Variants in PDE11A observed in about 807,000 individuals in gnomAD.
PDE11A encodes the protein dual 3',5'-cyclic-AMP and -GMP phosphodiesterase 11A.
PDE11A carries 100 observed loss-of-function variants against 100.5 expected under a neutral mutation model. That is an observed-to-expected ratio of 1.00 (90% CI 0.85 to 1.18). PDE11A has a LOEUF of 1.18. Among genes scored for constraint, PDE11A ranks in the 50% most tolerant of loss-of-function variants. The probability of loss-of-function intolerance (pLI) is 0.00; values close to 1 mark genes in which losing one functional copy is unlikely to be tolerated. For synonymous variants in PDE11A, 381 were observed against 420.8 expected, an observed-to-expected ratio of 0.91 and a Z score of 1.16; for missense variants, 1,141 against 1,152.6, an observed-to-expected ratio of 0.99 and a Z score of 0.15.
At chr2:178,035,935 C>A (rs2086607862) in intron 1 of PDE11A, among the ~76,000 whole-genome samples, 1 of 152,160 alleles carries the variant, frequency 6.6e-6, no homozygotes, top group South Asian at 2.1e-4. Context: ...TGGGCAAAAG[C>A]TGGAAGCATT....
chr2:177,928,878 C>T (rs1172747646), intron 2 of PDE11A, among the ~76,000 whole-genome samples: 1 of 151,782 alleles, frequency 6.6e-6, no homozygotes, highest in Non-Finnish European at 1.5e-5. Flanking sequence ...AAAATAAATA[C>T]ATAAAAATAA....
chr2:177,969,642 C>G (rs986182586), intron 2 of PDE11A, among the ~76,000 whole-genome samples: 1 of 151,816 alleles, frequency 6.6e-6, no homozygotes, highest in African/African-American at 2.4e-5. Context: ...AAGTAAGCCT[C>G]TCCCTATAAA....
At chr2:177,737,163 C>T (rs1392758733) in intron 10 of PDE11A, among the ~76,000 whole-genome samples, 6 of 151,978 alleles carry the variant, frequency 3.9e-5, no homozygotes, top group Non-Finnish European at 8.8e-5. Flanking sequence ...TCGCTTTAAC[C>T]CGGAAGGCAG....
At chr2:177,867,021 T>C (rs1398293866) in intron 5 of PDE11A, among the ~76,000 whole-genome samples, 2 of 152,240 alleles carry the variant, frequency 1.3e-5, no homozygotes, top group Middle Eastern at 3.2e-3. Context: ...AAAGAATAGA[T>C]AAGAATATAG....
intron 6 of PDE11A, among the ~76,000 whole-genome samples, chr2:177,833,607 G>T (rs2083344564): frequency 6.6e-6 from 1 of 152,112 alleles, no homozygotes; most frequent in African/African-American, 2.4e-5. Context: ...TCCCCTGTAA[G>T]CTAAAAAATA....
At chr2:177,756,522 T>C (rs955317413) in intron 10 of PDE11A, among the ~76,000 whole-genome samples, 2 of 152,004 alleles carry the variant, frequency 1.3e-5, no homozygotes, top group Non-Finnish European at 2.9e-5. Context: ...GTTTACGGAG[T>C]TGTTTGACAA....
intron 1 of PDE11A, among the ~76,000 whole-genome samples, chr2:178,054,497 T>G (rs2086872554): frequency 6.6e-6 from 1 of 152,092 alleles, no homozygotes; most frequent in Admixed American, 6.5e-5. Context: ...AATTGACAGA[T>G]AGGATCTAAT....
At chr2:177,768,560 C>T (rs574345397) in intron 10 of PDE11A, among the ~76,000 whole-genome samples, 5 of 152,308 alleles carry the variant, frequency 3.3e-5, no homozygotes, top group Admixed American at 6.5e-5. Flanking sequence ...TCCCTTTACT[C>T]CCGTGTTTTG....
At chr2:177,853,845 T>C (rs1327492666) in intron 5 of PDE11A, among the ~76,000 whole-genome samples, 1 of 144,618 alleles carries the variant, frequency 6.9e-6, no homozygotes, top group Non-Finnish European at 1.5e-5. Flanking sequence ...TATATCTATA[T>C]ATGTGTATAT....
intron 2 of PDE11A, among the ~76,000 whole-genome samples, chr2:177,936,190 G>A (rs1354047176): frequency 6.6e-6 from 1 of 152,158 alleles, no homozygotes; most frequent in Non-Finnish European, 1.5e-5. Flanking sequence ...GAAAAACTGA[G>A]TATCGAACCA....
At chr2:177,953,431 CATA>C (rs1398755288) in intron 2 of PDE11A, 6 of 152,060 alleles carry the variant, frequency 3.9e-5, no homozygotes, top group Non-Finnish European at 8.8e-5. Context: ...AAGTGAATAT[CATA>C]ATGTTTTAAA....
In PDE11A at chr2:177,936,633, G is replaced by A. The variant is rs779415602; in HGVS notation, c.1072-31446C>T. On this transcript the variant is annotated intron_variant, in intron 2 of 19. Coordinates refer to ENST00000286063, the MANE Select transcript of PDE11A (RefSeq NM_016953.4). ...TTATTTCAGGACTTTAAAAATTAAG[G>A]AATATGGCCAGGTGCAGTGGCTCAC... Among the ~76,000 whole-genome samples, 165 of 152,264 alleles carry A rather than the reference G, an allele frequency of 1.1e-3. 1 individual carries two copies. Among genetic ancestry groups the A allele is most frequent in the Non-Finnish European group, 3.4e-4 (23 of 68,022 alleles).
Position 177,727,714 on chromosome 2 carries a change from A to G in PDE11A, c.1987T>C (p.Tyr663His). The G allele has an allele frequency of 3.7e-6, 6 of 1,612,564 alleles. No individual in the cohort carries two copies. The highest frequency in any genetic ancestry group is 5.1e-6 in the Non-Finnish European group (6 of 1,178,618). The part of the protein sequence containing the change: ...TVRKNYRMVL[Y>H]HNWRHAFNVC... ...TTGAAGGCATGTCTCCAGTTGTGGT[A>G]TAGAACCATCCGATAGTTTTTCCTC... is the stretch of plus-strand genomic sequence containing the variant. Residue 663 changes from tyrosine (Y) to histidine (H), a missense_variant, in exon 12 of 20, where the codon TAC becomes CAC. Physicochemically the swap from Tyr to His is moderately conservative, Grantham distance 83 (BLOSUM62 2). Transcript: ENST00000286063.
chr2:177,951,523 AT>A (rs1399219092), intron 2 of PDE11A, among the ~76,000 whole-genome samples: 1 of 152,220 alleles, frequency 6.6e-6, no homozygotes, highest in Non-Finnish European at 1.5e-5. Context: ...GCTTGTCATA[AT>A]TTTATGGATG....
chr2:177,878,950 G>C (rs1297993519), intron 4 of PDE11A, among the ~76,000 whole-genome samples: 2 of 152,098 alleles, frequency 1.3e-5, no homozygotes, highest in South Asian at 2.1e-4. Flanking sequence ...ACTTGGCTTG[G>C]TATAAGATTA....
chr2:177,642,449 A>G (rs1372406269), intron 19 of PDE11A, among the ~76,000 whole-genome samples: 2 of 152,230 alleles, frequency 1.3e-5, no homozygotes, highest in East Asian at 1.9e-4. Context: ...TTCTTCTCAG[A>G]CTAGAAAACA....
chr2:177,897,948 AG>A (rs2084634915), intron 4 of PDE11A, 109 bp downstream of exon 4: 1 of 911,092 alleles, frequency 1.1e-6, no homozygotes, highest in Admixed American at 1.8e-5. Flanking sequence ...CCATGGTTGA[AG>A]AGTCACGAAG....
At chr2:177,830,721 C>A (rs1443405953) in intron 6 of PDE11A, among the ~76,000 whole-genome samples, 3 of 151,256 alleles carry the variant, frequency 2.0e-5, no homozygotes, top group African/African-American at 7.3e-5. Context: ...TACATAATAA[C>A]CCTGACAATG....
rs558493627 is a variant in PDE11A at position 178,086,781 on chromosome 2, C to T, written c.162+17521G>A. Among the ~76,000 whole-genome samples the T allele has an allele frequency of 2.4e-4, 37 of 152,292 alleles. No individual in the cohort carries two copies. The South Asian group carries it at 3.9e-3, about 16-fold the overall frequency. The stretch of plus-strand genomic sequence containing the variant: ...GTGTATGAATCTGGCCAGAACCCCA[C>T]ATAAAAGTAGGAAAATCAGATTTTG... On this transcript the variant is annotated intron_variant, in intron 2 of 20. Transcript: ENST00000358450.
Sources: allele counts gnomAD v4.1 joint callset (sites outside exome capture counted in the v4.1 genomes callset), GRCh38; gene constraint gnomAD v4.1.1; transcripts MANE v1.5; gene names NCBI Gene and HGNC (gene_info 2026-07-23, HGNC 2026-07-21).